Variants in STARD13 observed in about 807,000 individuals in gnomAD.
The protein encoded by STARD13 is stAR-related lipid transfer protein 13.
A neutral mutation model predicts 106.4 loss-of-function variants in STARD13; 62 were observed. That is an observed-to-expected ratio of 0.58 (90% CI 0.48 to 0.72). The LOEUF (loss-of-function observed/expected upper bound fraction) is 0.72. Ranked by LOEUF, STARD13 falls within the 30% of genes least tolerant of loss-of-function variation. The pLI is 0.00. For missense variants in STARD13, 1,387 were observed against 1,424.0 expected (o/e 0.97, Z 0.42); for synonymous variants, 565 against 553.0 (o/e 1.02, Z -0.31).
the STARD13 span, among the ~76,000 whole-genome samples, chr13:33,585,376 T>A: frequency 1.3e-5 from 2 of 152,302 alleles, no homozygotes; most frequent in South Asian, 4.1e-4. Flanking sequence ...TGGAAATAAA[T>A]GTCTATTGAC....
At chr13:33,149,778 A>T (rs1007131060) in intron 3 of STARD13, among the ~76,000 whole-genome samples, 2 of 152,236 alleles carry the variant, frequency 1.3e-5, no homozygotes, top group Non-Finnish European at 2.9e-5. Flanking sequence ...TTAAGATCTG[A>T]CTGCCTCAAG....
chr13:33,280,817 C>T (rs1251610643), intron 1 of STARD13: 3 of 152,078 alleles, frequency 2.0e-5, no homozygotes, highest in Non-Finnish European at 2.9e-5. Flanking sequence ...ATGATGGGGA[C>T]TTCAGAGATT....
At chr13:33,527,126 G>T in the STARD13 span, among the ~76,000 whole-genome samples, 1 of 151,908 alleles carries the variant, frequency 6.6e-6, no homozygotes. Flanking sequence ...AGTTTTAAGG[G>T]TTTAATTTAA....
At chr13:33,522,978 A>G in the STARD13 span, among the ~76,000 whole-genome samples, 1 of 152,292 alleles carries the variant, frequency 6.6e-6, no homozygotes, top group Admixed American at 6.5e-5. Flanking sequence ...AACATATTCC[A>G]TGTTCAATCA....
intron 1 of STARD13, among the ~76,000 whole-genome samples, chr13:33,296,076 A>G (rs1214997877): frequency 6.6e-6 from 1 of 152,032 alleles, no homozygotes; most frequent in Non-Finnish European, 1.5e-5. Flanking sequence ...AAAAAAAGAA[A>G]AAGTTAGTTG....
chr13:33,175,216 T>C (rs1884387123), intron 1 of STARD13, among the ~76,000 whole-genome samples: 1 of 152,280 alleles, frequency 6.6e-6, no homozygotes, highest in Admixed American at 6.5e-5. Context: ...TTGATACAGA[T>C]TGTTCCAATC....
the STARD13 span, among the ~76,000 whole-genome samples, chr13:33,393,158 C>T: frequency 6.6e-6 from 1 of 152,142 alleles, no homozygotes; most frequent in Non-Finnish European, 1.5e-5. Flanking sequence ...ATTTATTTGC[C>T]AATGCTTACA....
chr13:33,637,617 A>G, the STARD13 span, among the ~76,000 whole-genome samples: 1 of 152,344 alleles, frequency 6.6e-6, no homozygotes, highest in African/African-American at 2.4e-5. Context: ...GCAGACCAAC[A>G]TGTGATCCAA....
chr13:33,532,287 GA>G, the STARD13 span, among the ~76,000 whole-genome samples: 162 of 152,152 alleles, frequency 1.1e-3, 2 homozygotes, highest in East Asian at 0.029. Flanking sequence ...TATTGCTAAT[GA>G]AAAAAACTGA....
chr13:33,358,794 C>T, the STARD13 span, among the ~76,000 whole-genome samples: 2 of 151,582 alleles, frequency 1.3e-5, no homozygotes, highest in Non-Finnish European at 2.9e-5. Flanking sequence ...ATTGTAAATA[C>T]ACCAATCGGC....
At chr13:33,653,753 G>A in the STARD13 span, among the ~76,000 whole-genome samples, 1 of 151,892 alleles carries the variant, frequency 6.6e-6, no homozygotes, top group Non-Finnish European at 1.5e-5. Context: ...CCACAAAATT[G>A]AGGAAGATAT....
chr13:33,493,923 G>A, the STARD13 span, among the ~76,000 whole-genome samples: 1 of 151,238 alleles, frequency 6.6e-6, no homozygotes, highest in Non-Finnish European at 1.5e-5. Context: ...TTGGTGCCAG[G>A]TTAATGACAT....
chr13:33,426,428 T>C, the STARD13 span, among the ~76,000 whole-genome samples: 939 of 152,256 alleles, frequency 6.2e-3, 6 homozygotes, highest in Non-Finnish European at 0.01. Context: ...CAAGTCTGCC[T>C]GTTATTACTC....
At chr13:33,472,796 C>T in the STARD13 span, among the ~76,000 whole-genome samples, 1 of 152,194 alleles carries the variant, frequency 6.6e-6, no homozygotes. Flanking sequence ...AATATTCATC[C>T]TGTGTGTTCT....
the STARD13 span, among the ~76,000 whole-genome samples, chr13:33,560,814 G>A: frequency 6.6e-6 from 1 of 151,456 alleles, no homozygotes; most frequent in Non-Finnish European, 1.5e-5. Flanking sequence ...GGATTTGCAG[G>A]CATACAAAAT....
chr13:33,113,503 C>A (rs1464915468), intron 8 of STARD13: 2 of 506,522 alleles, frequency 3.9e-6, no homozygotes, highest in Non-Finnish European at 7.9e-6. Flanking sequence ...TGACCTCATT[C>A]CTAGAGGGCC....
At position 33,159,010 on chromosome 13, in the gene STARD13, C is replaced by T. The variant is rs148473112; in HGVS notation, c.323+6327G>A. Among the ~76,000 whole-genome samples the T allele has an allele frequency of 5.9e-4, 90 of 152,256 alleles. No homozygotes were observed. The East Asian group carries it at 0.017, about 28-fold the overall frequency. On this transcript the variant is annotated intron_variant, in intron 3 of 13. Coordinates refer to ENST00000336934, the MANE Select transcript of STARD13 (RefSeq NM_178006.4). ...CTCCAGCCAAATGTTTTTCTTGCTT[C>T]GTAATATTTTTGGAGACATAGCTGC... is the stretch of plus-strand genomic sequence containing the variant.
At chr13:33,157,045 C>A (rs1178347457) in intron 3 of STARD13, among the ~76,000 whole-genome samples, 1 of 151,934 alleles carries the variant, frequency 6.6e-6, no homozygotes, top group African/African-American at 2.4e-5. Context: ...TTTAAAATAT[C>A]AATATTCATA....
chr13:33,435,931 A>G, the STARD13 span, among the ~76,000 whole-genome samples: 2 of 152,202 alleles, frequency 1.3e-5, no homozygotes, highest in African/African-American at 4.8e-5. Context: ...CATATAGTAC[A>G]TGATTTTCTT....
Sources: gnomAD v4.1 joint callset for allele counts (sites outside exome capture counted in the v4.1 genomes callset) on GRCh38, gnomAD v4.1.1 for gene constraint, MANE v1.5 for transcripts, NCBI Gene and HGNC (gene_info 2026-07-23, HGNC 2026-07-21) for gene names.